RNF38: variants seen among roughly 807,000 people sequenced by gnomAD.
RNF38 encodes the protein E3 ubiquitin-protein ligase RNF38.
A neutral mutation model predicts 67.2 loss-of-function variants in RNF38; 15 were observed. The ratio of observed to expected loss-of-function variants is 0.22; its 90% CI spans 0.15 to 0.34. The LOEUF (loss-of-function observed/expected upper bound fraction) is 0.34. RNF38 is among the 10% of genes least tolerant of loss of function. The probability of loss-of-function intolerance (pLI) is 1.00; values close to 1 mark genes in which losing one functional copy is unlikely to be tolerated. For missense variants in RNF38, 524 were observed against 639.9 expected (o/e 0.82, Z 1.95); for synonymous variants, 220 against 218.8 (o/e 1.01, Z -0.05).
At chr9:36,403,246 G>A (rs1035464461), upstream of RNF38, among the ~76,000 whole-genome samples, 2 of 152,216 alleles carry the variant, frequency 1.3e-5, no homozygotes. Context: ...CTACAGTCAA[G>A]CTAAAATTTT....
chr9:36,352,598 T>C (rs1051917690), intron 8 of RNF38, 144 bp downstream of exon 8: 73 of 677,584 alleles, frequency 1.1e-4, no homozygotes, highest in Non-Finnish European at 1.7e-4. Context: ...CAGCCTTAAC[T>C]GGCTCCTCCC....
chr9:36,377,523 A>C (rs999471357), intron 2 of RNF38, among the ~76,000 whole-genome samples: 1 of 152,174 alleles, frequency 6.6e-6, no homozygotes, highest in Non-Finnish European at 1.5e-5. Context: ...TATTATAATC[A>C]ATTTTATTAT....
In RNF38 at chr9:36,339,010, A is replaced by C. The variant is rs889278779; in HGVS notation, c.*742T>G. ...AAGTGACCCACTTAGGACCACCAAT[A>C]AAGAGAAGGTGACAGCTGCCTGAAG... On this transcript the variant is annotated 3_prime_UTR_variant, in exon 12 of 12. Coordinates refer to ENST00000259605, the MANE Select transcript of RNF38 (RefSeq NM_022781.5). The C allele has an allele frequency of 1.3e-5, 2 of 152,608 alleles. No individual in the cohort carries two copies. Among genetic ancestry groups the C allele is most frequent in the Admixed American group, 1.3e-4 (2 of 15,278 alleles). The allele number at this position is 152,608 out of a possible 1,614,324, so 9.5% of individuals were successfully genotyped here. A position where few individuals can be genotyped will look rare whatever the true frequency, so the allele number is the denominator to read the frequency against.
intron 1 of RNF38, among the ~76,000 whole-genome samples, chr9:36,427,405 C>T (rs180730702): frequency 1.1e-4 from 17 of 152,240 alleles, no homozygotes; most frequent in African/African-American, 3.9e-4. Flanking sequence ...GCTGCTTAGC[C>T]CTTGTTATCA....
At chr9:36,368,270 A>T (rs948944053) in intron 4 of RNF38, among the ~76,000 whole-genome samples, 2 of 152,138 alleles carry the variant, frequency 1.3e-5, no homozygotes, top group Non-Finnish European at 2.9e-5. Context: ...TTACATATGT[A>T]ATGTTTTCAT....
intron 2 of RNF38, among the ~76,000 whole-genome samples, chr9:36,409,567 G>C (rs1199961268): frequency 5.3e-5 from 8 of 152,144 alleles, no homozygotes; most frequent in Non-Finnish European, 8.8e-5. Flanking sequence ...TTTCCTCTAG[G>C]GAATTCTGGT....
intron 5 of RNF38, among the ~76,000 whole-genome samples, chr9:36,356,718 C>G (rs1834132645): frequency 7.6e-6 from 1 of 131,558 alleles, no homozygotes; most frequent in Non-Finnish European, 1.5e-5. Flanking sequence ...AGCCTTTTAA[C>G]CATCTATGAA....
intron 6 of RNF38, among the ~76,000 whole-genome samples, chr9:36,355,545 G>A (rs764900266): frequency 6.6e-6 from 1 of 152,036 alleles, no homozygotes; most frequent in Non-Finnish European, 1.5e-5. Context: ...GTTCAGAAAG[G>A]TTAATTTCCT....
chr9:36,376,925 T>C (rs1835832818), intron 2 of RNF38, among the ~76,000 whole-genome samples: 1 of 51,930 alleles, frequency 1.9e-5, no homozygotes, highest in Admixed American at 2.3e-4. Flanking sequence ...AGACTCTGTC[T>C]CAAAAAAAAA....
chr9:36,451,173 C>T (rs1416725931), intron 1 of RNF38, among the ~76,000 whole-genome samples: 1 of 151,326 alleles, frequency 6.6e-6, no homozygotes, highest in Non-Finnish European at 1.5e-5. Context: ...AAATAAACTG[C>T]AGTATTTTGG....
In RNF38 at chr9:36,387,051, C is replaced by T. The variant is rs184384687; in HGVS notation, c.162+3416G>A. 4.5e-4 allele frequency among the ~76,000 whole-genome samples: 69 copies of T among 152,320 alleles called. No individual in the cohort carries two copies. The East Asian group carries it at 0.012, about 27-fold the overall frequency. ...CTCCTGACCTCAAGTGATCCACCTG[C>T]TTCGGCCTCCCAAATTGCTGGGATT... On this transcript the variant is annotated intron_variant, in intron 2 of 11. Transcript: ENST00000259605.
At chr9:36,446,548 T>G (rs1839304574) in intron 1 of RNF38, among the ~76,000 whole-genome samples, 1 of 152,164 alleles carries the variant, frequency 6.6e-6, no homozygotes, top group South Asian at 2.1e-4. Flanking sequence ...GGCTCACGCC[T>G]GTAATCCCAA....
chr9:36,486,710 G>C (rs1840420781), intron 1 of RNF38, among the ~76,000 whole-genome samples: 1 of 152,122 alleles, frequency 6.6e-6, no homozygotes, highest in Non-Finnish European at 1.5e-5. Context: ...CTCCCCGAGA[G>C]CACACCCCGC....
chr9:36,399,494 A>ATG (rs1837826086), intron 1 of RNF38, among the ~76,000 whole-genome samples: 1 of 17,546 alleles, frequency 5.7e-5, no homozygotes, highest in African/African-American at 2.1e-4. Context: ...AATATATATA[A>ATG]TATATTATAT....
rs534091425 is a variant in RNF38 at position 36,442,550 on chromosome 9, G to A, written n.242-17867C>T. Among the ~76,000 whole-genome samples the A allele has an allele frequency of 3.9e-5, 6 of 152,300 alleles. No individual in the cohort carries two copies. In the East Asian group the frequency reaches 1.2e-3, roughly 29 times the overall value. Reference sequence around the variant, plus strand: ...TAATCCCAGCACTTTGGGAGGCCGAGGCGGGCGGATCATGAGGTCAGGAGA... The same window carrying A: ...TAATCCCAGCACTTTGGGAGGCCGAAGCGGGCGGATCATGAGGTCAGGAGA... On this transcript the variant is annotated intron_variant and non_coding_transcript_variant, in intron 1 of 3. Coordinates refer to the RNF38 transcript ENST00000488058.
intron 1 of RNF38, among the ~76,000 whole-genome samples, chr9:36,464,359 G>A (rs1489125327): frequency 2.6e-5 from 4 of 152,008 alleles, no homozygotes; most frequent in African/African-American, 7.3e-5. Context: ...ACAAGGTCAG[G>A]AGTTCGAGAC....
intron 2 of RNF38, among the ~76,000 whole-genome samples, chr9:36,415,025 G>A (rs1053944506): frequency 2.0e-5 from 3 of 152,130 alleles, no homozygotes; most frequent in African/African-American, 7.2e-5. Flanking sequence ...GTGCCTAGGT[G>A]ATAATCTTTT....
At chr9:36,421,619 CA>C (rs1330325328) in intron 2 of RNF38, among the ~76,000 whole-genome samples, 1 of 152,062 alleles carries the variant, frequency 6.6e-6, no homozygotes. Context: ...GCCAAGATCA[CA>C]CCATTGCACT....
At chr9:36,391,612 C>CT (rs1158051513) in intron 1 of RNF38, among the ~76,000 whole-genome samples, 2,311 of 134,638 alleles carry the variant, frequency 0.017, 45 homozygotes, top group African/African-American at 0.028. Flanking sequence ...TCGTTTCCTA[C>CT]TTTTTTTTTT....
Sources: gnomAD v4.1 joint callset for allele counts (sites outside exome capture counted in the v4.1 genomes callset) on GRCh38, gnomAD v4.1.1 for gene constraint, MANE v1.5 for transcripts, NCBI Gene and HGNC (gene_info 2026-07-23, HGNC 2026-07-21) for gene names.